HPSE2: variants seen among roughly 807,000 people sequenced by gnomAD.
The protein encoded by HPSE2 is inactive heparanase-2.
HPSE2 carries 38 observed loss-of-function variants against 60.5 expected under a neutral mutation model. The observed-to-expected ratio is 0.63, with a 90% CI of 0.48 to 0.82. The LOEUF is 0.82. Ranked by LOEUF, HPSE2 falls within the 40% of genes least tolerant of loss-of-function variation. The probability of loss-of-function intolerance (pLI) is 0.00; values close to 1 mark genes in which losing one functional copy is unlikely to be tolerated. For synonymous variants in HPSE2, 295 were observed against 293.2 expected (o/e 1.01, Z -0.06); for missense variants, 713 against 740.4 (o/e 0.96, Z 0.43).
chr10:99,292,225 A>G, the HPSE2 span, among the ~76,000 whole-genome samples: 1 of 152,218 alleles, frequency 6.6e-6, no homozygotes, highest in South Asian at 2.1e-4. Context: ...CAGGCTGGGA[A>G]CTGGCTAAAA....
chr10:99,186,249 G>T (rs1039136939), intron 2 of HPSE2, among the ~76,000 whole-genome samples: 2 of 151,654 alleles, frequency 1.3e-5, no homozygotes, highest in Non-Finnish European at 2.9e-5. Context: ...AAAGGAATAA[G>T]AATAAGAATT....
chr10:99,235,073 T>TCACAGA (rs201109552), intron 1 of HPSE2, among the ~76,000 whole-genome samples: 2 of 29,708 alleles, frequency 6.7e-5, no homozygotes, highest in African/African-American at 2.5e-4. Flanking sequence ...GCTTGAACAC[T>TCACAGA]CACACACACA....
intron 3 of HPSE2, among the ~76,000 whole-genome samples, chr10:98,980,317 T>C (rs1956177780): frequency 6.6e-6 from 1 of 152,184 alleles, no homozygotes; most frequent in Admixed American, 6.6e-5. Context: ...GTTATTACTG[T>C]TGTTAAAAAT....
At chr10:98,641,769 C>A (rs1946643051) in intron 7 of HPSE2, 78 bp downstream of exon 7, 2 of 1,088,658 alleles carry the variant, frequency 1.8e-6, no homozygotes, top group South Asian at 2.5e-5. Flanking sequence ...AGTGCTGATG[C>A]CCAGCTGGGA....
At chr10:98,719,552 G>A (rs1043054858) in intron 5 of HPSE2, among the ~76,000 whole-genome samples, 2 of 151,556 alleles carry the variant, frequency 1.3e-5, no homozygotes, top group African/African-American at 4.8e-5. Context: ...AAAATTTACT[G>A]TACTTTGATG....
At chr10:99,081,370 C>T (rs1044082466) in intron 3 of HPSE2, among the ~76,000 whole-genome samples, 7 of 152,144 alleles carry the variant, frequency 4.6e-5, no homozygotes, top group African/African-American at 1.7e-4. Context: ...TACAAGATTG[C>T]CATTTATCAT....
rs773641030 is a variant in HPSE2, at chr10:98,459,608, T to C, written c.1745A>G (p.Lys582Arg). Reference sequence around the variant, plus strand: ...GCGGCAGGCCAAAGCATTGACATTCTTGACCACATAAAAGCCCATGGTGAC... The same window carrying C: ...GCGGCAGGCCAAAGCATTGACATTCCTGACCACATAAAAGCCCATGGTGAC... ...PPVTMGFYVV[K>R]NVNALACRYR The change falls in exon 12 of 12, where the codon AAG becomes AGG. Residue 582 changes from lysine (K) to arginine (R), a missense_variant. Lys to Arg is a conservative substitution (Grantham distance 26). Coordinates refer to ENST00000370552, the MANE Select transcript of HPSE2 (RefSeq NM_021828.5). The C allele has an allele frequency of 8.7e-6, 14 of 1,614,056 alleles. No individual in the cohort carries two copies. The highest frequency in any genetic ancestry group is 1.2e-5 in the Non-Finnish European group (14 of 1,180,038).
chr10:99,154,773 G>A (rs1272075803), intron 2 of HPSE2, among the ~76,000 whole-genome samples: 1 of 151,592 alleles, frequency 6.6e-6, no homozygotes, highest in Non-Finnish European at 1.5e-5. Flanking sequence ...AAATGTAAAG[G>A]GACTAAATGC....
intron 3 of HPSE2, among the ~76,000 whole-genome samples, chr10:99,084,110 G>T (rs192555270): frequency 6.6e-6 from 1 of 151,370 alleles, no homozygotes; most frequent in East Asian, 2.0e-4. Context: ...CAGCTTAGAA[G>T]TCCAAGACTT....
intron 2 of HPSE2, among the ~76,000 whole-genome samples, chr10:99,200,184 G>GT (rs34509578): frequency 5.5e-4 from 84 of 151,588 alleles, no homozygotes; most frequent in Middle Eastern, 3.4e-3. Flanking sequence ...TATATTATGT[G>GT]TTTTTTTTAC....
intron 3 of HPSE2, among the ~76,000 whole-genome samples, chr10:98,751,086 G>T (rs575926447): frequency 6.6e-6 from 1 of 151,880 alleles, no homozygotes; most frequent in Non-Finnish European, 1.5e-5. Flanking sequence ...CCTTGATTCC[G>T]TATTCAGAAT....
At position 98,825,284 on chromosome 10, in the gene HPSE2, A is replaced by G. The variant is rs553270381; in HGVS notation, c.611-81228T>C. Among the ~76,000 whole-genome samples, 33 of 152,302 alleles carry G rather than the reference A, an allele frequency of 2.2e-4. 1 individual carries two copies. The highest frequency in any genetic ancestry group is 7.2e-4 in the Admixed American group (11 of 15,298). On this transcript the variant is annotated intron_variant, in intron 3 of 11. Coordinates refer to ENST00000370552, the MANE Select transcript of HPSE2 (RefSeq NM_021828.5). ...AAAGTAGGTATTACTATGATGAAAGAAAGGAAGAAAGAGTGTAGAGCCAAA... is the reference window on the plus strand; with the variant it reads ...AAAGTAGGTATTACTATGATGAAAGGAAGGAAGAAAGAGTGTAGAGCCAAA...
chr10:98,471,130 C>T (rs1940763285), intron 11 of HPSE2, among the ~76,000 whole-genome samples: 1 of 152,194 alleles, frequency 6.6e-6, no homozygotes. Flanking sequence ...CATGTTCACA[C>T]CTTTGGCAAA....
the HPSE2 span, among the ~76,000 whole-genome samples, chr10:99,267,004 C>G: frequency 6.6e-6 from 1 of 152,088 alleles, no homozygotes; most frequent in Non-Finnish European, 1.5e-5. Context: ...GAACAGCGGC[C>G]CTTGAGCCCC....
chr10:99,232,563 G>A, intron 1 of HPSE2, 58 bp from the exon 2 acceptor site: 2 of 1,535,896 alleles, frequency 1.3e-6, no homozygotes, highest in South Asian at 1.2e-5. Context: ...GAGCGCGTGG[G>A]GCACGGAGAA....
At chr10:98,822,021 G>A (rs1296251777) in intron 3 of HPSE2, among the ~76,000 whole-genome samples, 22 of 152,164 alleles carry the variant, frequency 1.4e-4, no homozygotes, top group Admixed American at 1.4e-3. Context: ...ACAAATTTAC[G>A]GTATGGTCCC....
chr10:98,534,526 T>C (rs1394332858), intron 9 of HPSE2, among the ~76,000 whole-genome samples: 1 of 152,160 alleles, frequency 6.6e-6, no homozygotes, highest in Admixed American at 6.5e-5. Context: ...AGCCTCAGCC[T>C]CCCAAGTAGC....
At chr10:99,215,934 G>A (rs901433418) in intron 2 of HPSE2, among the ~76,000 whole-genome samples, 1 of 152,158 alleles carries the variant, frequency 6.6e-6, no homozygotes, top group African/African-American at 2.4e-5. Flanking sequence ...GTTTTTAAAG[G>A]AAGATTAAAT....
At chr10:98,934,024 GC>G (rs1235401296) in intron 3 of HPSE2, among the ~76,000 whole-genome samples, 1 of 143,918 alleles carries the variant, frequency 6.9e-6, no homozygotes, top group African/African-American at 2.8e-5. Flanking sequence ...GAGCCAGTGA[GC>G]CTGGCACCTT....
Sources: allele counts gnomAD v4.1 joint callset (sites outside exome capture counted in the v4.1 genomes callset), GRCh38; gene constraint gnomAD v4.1.1; transcripts MANE v1.5; gene names NCBI Gene and HGNC (gene_info 2026-07-23, HGNC 2026-07-21).